The following EIF3H variants were observed in gnomAD, a reference collection of about 807,000 sequenced individuals.
The protein encoded by EIF3H is eukaryotic translation initiation factor 3 subunit H.
Under a neutral mutation model 44.2 loss-of-function variants are expected in EIF3H, and 26 were observed. The observed-to-expected ratio is 0.59, with a 90% confidence interval of 0.43 to 0.82. EIF3H has a LOEUF of 0.82. EIF3H is among the 40% of genes least tolerant of loss of function. The probability of loss-of-function intolerance (pLI) is 0.00; values close to 1 mark genes in which losing one functional copy is unlikely to be tolerated. For synonymous variants in EIF3H, 166 were observed against 151.9 expected (o/e 1.09, Z -0.68); for missense variants, 359 against 432.8 (o/e 0.83, Z 1.51).
intron 1 of EIF3H, among the ~76,000 whole-genome samples, chr8:116,754,030 A>C (rs1369948825): frequency 6.6e-6 from 1 of 152,184 alleles, no homozygotes; most frequent in Non-Finnish European, 1.5e-5. Context: ...ATCTCTAAAG[A>C]TACGTCATTT....
At position 116,742,868 on chromosome 8, in the gene EIF3H, T is replaced by G. The variant is rs917250636; in HGVS notation, c.132+12798A>C. 7.9e-5 allele frequency among the ~76,000 whole-genome samples: 12 copies of G among 152,362 alleles called. No homozygotes were observed. The South Asian group carries it at 2.5e-3, about 32-fold the overall frequency. On this transcript the variant is annotated intron_variant, in intron 1 of 7. Transcript: ENST00000521861. The stretch of plus-strand genomic sequence containing the variant: ...TGATTTGTGTGCCATATGCATGTAT[T>G]ATCCAGTGTAATGGCTGTGTTTAAA...
intron 2 of EIF3H, among the ~76,000 whole-genome samples, chr8:116,679,206 G>C (rs1427138133): frequency 2.3e-5 from 1 of 42,624 alleles, no homozygotes; most frequent in African/African-American, 8.2e-5. Context: ...CGCCCCGTCC[G>C]GGAGGTGAGG....
At position 116,658,812 on chromosome 8, in the gene EIF3H, C is replaced by A; in HGVS notation, c.457+1G>T. 1 of 1,609,998 alleles carries A rather than the reference C, an allele frequency of 6.2e-7. No homozygotes were observed. The highest frequency in any genetic ancestry group is 8.5e-7 in the Non-Finnish European group (1 of 1,178,798). On this transcript the variant is annotated splice_donor_variant, in intron 3 of 7. Coordinates refer to ENST00000521861, the MANE Select transcript of EIF3H (RefSeq NM_003756.3). LOFTEE classifies it high-confidence loss of function. ...AAAAGAATAATAAACCTCCTACTAACCATAAATGAGAACGACAGATTCTTC... is the reference window on the plus strand; with the variant it reads ...AAAAGAATAATAAACCTCCTACTAAACATAAATGAGAACGACAGATTCTTC...
At chr8:116,714,021 A>G (rs1427198879) in intron 2 of EIF3H, among the ~76,000 whole-genome samples, 1 of 152,084 alleles carries the variant, frequency 6.6e-6, no homozygotes, top group Non-Finnish European at 1.5e-5. Flanking sequence ...TTATCAGGAG[A>G]ACTTTCATGT....
chr8:116,691,348 G>A (rs1198389448), intron 2 of EIF3H, among the ~76,000 whole-genome samples: 1 of 152,078 alleles, frequency 6.6e-6, no homozygotes, highest in Non-Finnish European at 1.5e-5. Flanking sequence ...ACAAACCTGG[G>A]GGAAGAGGAG....
upstream of EIF3H, chr8:116,755,937 G>A: frequency 1.3e-6 from 2 of 1,537,620 alleles, no homozygotes; most frequent in Non-Finnish European, 1.7e-6. Context: ...CCTCCCTCCT[G>A]TTTTCCAGTT....
chr8:116,663,742 C>A (rs1813619530), intron 2 of EIF3H, among the ~76,000 whole-genome samples: 1 of 151,948 alleles, frequency 6.6e-6, no homozygotes, highest in African/African-American at 2.4e-5. Flanking sequence ...ACCAGCCTGG[C>A]CGACATGGTG....
chr8:116,668,402 C>T (rs1813701755), intron 2 of EIF3H, among the ~76,000 whole-genome samples: 1 of 152,184 alleles, frequency 6.6e-6, no homozygotes, highest in Admixed American at 6.6e-5. Context: ...TTATTCTTAT[C>T]ATCATTTTCC....
At chr8:116,742,285 T>C (rs954931472) in intron 1 of EIF3H, among the ~76,000 whole-genome samples, 4 of 152,198 alleles carry the variant, frequency 2.6e-5, no homozygotes, top group African/African-American at 7.2e-5. Context: ...AAAGAGAAGA[T>C]AGAGGATTTA....
At chr8:116,743,987 C>A (rs1240373853) in intron 1 of EIF3H, among the ~76,000 whole-genome samples, 1 of 151,440 alleles carries the variant, frequency 6.6e-6, no homozygotes. Context: ...TCTGTAAGAC[C>A]AGTTATACAG....
At chr8:116,659,274 C>A (rs985176034) in intron 2 of EIF3H, among the ~76,000 whole-genome samples, 14 of 152,134 alleles carry the variant, frequency 9.2e-5, no homozygotes, top group African/African-American at 3.4e-4. Flanking sequence ...GCGTCTAACT[C>A]CCCTTTTTGA....
intron 2 of EIF3H, among the ~76,000 whole-genome samples, chr8:116,712,181 G>A (rs1157872178): frequency 6.6e-6 from 1 of 152,170 alleles, no homozygotes; most frequent in Non-Finnish European, 1.5e-5. Flanking sequence ...GAGCCCCATC[G>A]AGGGCTCTGC....
chr8:116,678,727 G>A (rs1353715329), intron 2 of EIF3H, among the ~76,000 whole-genome samples: 4 of 145,582 alleles, frequency 2.7e-5, no homozygotes, highest in East Asian at 2.1e-4. Context: ...CGGCCGCCCC[G>A]TCTGAGAAGT....
At chr8:116,747,882 G>A (rs1188084026) in intron 1 of EIF3H, among the ~76,000 whole-genome samples, 1 of 152,130 alleles carries the variant, frequency 6.6e-6, no homozygotes, top group Non-Finnish European at 1.5e-5. Context: ...GGCCAAGGTG[G>A]GTGGGTCACC....
At chr8:116,674,721 A>G (rs1182332713) in intron 2 of EIF3H, among the ~76,000 whole-genome samples, 1 of 152,168 alleles carries the variant, frequency 6.6e-6, no homozygotes, top group East Asian at 1.9e-4. Flanking sequence ...GTCATTTTGT[A>G]AAGGAAATAT....
intron 2 of EIF3H, among the ~76,000 whole-genome samples, chr8:116,699,808 T>G (rs572547953): frequency 3.9e-5 from 6 of 152,034 alleles, no homozygotes; most frequent in Non-Finnish European, 8.8e-5. Flanking sequence ...TTTTGGTTTT[T>G]TTTGTTTGTT....
At chr8:116,659,032 C>A (rs754035758) in intron 2 of EIF3H, 52 bp from the exon 3 acceptor site, 21 of 1,483,320 alleles carry the variant, frequency 1.4e-5, no homozygotes, top group Non-Finnish European at 1.8e-5. Flanking sequence ...AATGATGTTA[C>A]CAACATCAAA....
intron 2 of EIF3H, among the ~76,000 whole-genome samples, chr8:116,719,426 A>C (rs1013936697): frequency 6.6e-6 from 1 of 152,180 alleles, no homozygotes; most frequent in Non-Finnish European, 1.5e-5. Context: ...GATGAAAAAG[A>C]AAGAGTGGAA....
At chr8:116,758,595 TAAAC>T (rs1815484209), upstream of EIF3H, among the ~76,000 whole-genome samples, 1 of 152,196 alleles carries the variant, frequency 6.6e-6, no homozygotes, top group Non-Finnish European at 1.5e-5. Flanking sequence ...TCCTGAACCA[TAAAC>T]AAACCTCAGC....
Sources: allele counts gnomAD v4.1 joint callset (sites outside exome capture counted in the v4.1 genomes callset), GRCh38; gene constraint gnomAD v4.1.1; transcripts MANE v1.5; gene names NCBI Gene and HGNC (gene_info 2026-07-23, HGNC 2026-07-21).